Variants in FOXN3 observed in about 807,000 individuals in gnomAD.
The protein encoded by FOXN3 is forkhead box protein N3.
Under a neutral mutation model 38.4 loss-of-function variants are expected in FOXN3, and 7 were observed. The ratio of observed to expected loss-of-function variants is 0.18; its 90% CI spans 0.10 to 0.34. The LOEUF is 0.34. Ranked by LOEUF, FOXN3 falls within the 10% of genes least tolerant of loss-of-function variation. The pLI is 1.00. For missense variants in FOXN3, 456 were observed against 613.4 expected, an observed-to-expected ratio of 0.74 and a Z score of 2.71; for synonymous variants, 230 against 242.2, an observed-to-expected ratio of 0.95 and a Z score of 0.47.
chr14:89,455,893 C>T (rs1255424699), intron 1 of FOXN3, among the ~76,000 whole-genome samples: 1 of 152,104 alleles, frequency 6.6e-6, no homozygotes, highest in Non-Finnish European at 1.5e-5. Flanking sequence ...CAGTTATATG[C>T]CAGATTAAAA....
At chr14:89,568,147 C>A (rs1207408396) in intron 1 of FOXN3, among the ~76,000 whole-genome samples, 1 of 152,096 alleles carries the variant, frequency 6.6e-6, no homozygotes. Flanking sequence ...TAAATGTCAG[C>A]ATCTGAGGAC....
chr14:89,365,103 G>A (rs953415946), intron 2 of FOXN3, among the ~76,000 whole-genome samples: 6 of 152,116 alleles, frequency 3.9e-5, no homozygotes, highest in Admixed American at 6.5e-5. Context: ...GAATTTCCCC[G>A]AGCTTCCGCT....
intron 4 of FOXN3, among the ~76,000 whole-genome samples, chr14:89,199,786 C>T (rs951350852): frequency 1.3e-5 from 2 of 151,968 alleles, no homozygotes; most frequent in Non-Finnish European, 2.9e-5. Context: ...TGCCTGTAGT[C>T]CCAGCTACTT....
intron 2 of FOXN3, among the ~76,000 whole-genome samples, chr14:89,365,105 GCTTCCGC>G (rs2140048959): frequency 6.6e-6 from 1 of 152,270 alleles, no homozygotes; most frequent in Non-Finnish European, 1.5e-5. Context: ...ATTTCCCCGA[GCTTCCGC>G]TTTGCAGGAA....
intron 1 of FOXN3, among the ~76,000 whole-genome samples, chr14:89,545,353 C>T (rs1894864250): frequency 6.6e-6 from 1 of 152,224 alleles, no homozygotes; most frequent in Non-Finnish European, 1.5e-5. Flanking sequence ...AGGGTAAATG[C>T]AACCAAAACA....
At chr14:89,393,274 T>C (rs766524192) in intron 2 of FOXN3, among the ~76,000 whole-genome samples, 1 of 152,166 alleles carries the variant, frequency 6.6e-6, no homozygotes, top group Non-Finnish European at 1.5e-5. Flanking sequence ...GCCAGTTACA[T>C]TGGATTACAA....
intron 5 of FOXN3, among the ~76,000 whole-genome samples, chr14:89,173,776 C>T (rs540437565): frequency 2.6e-4 from 39 of 152,178 alleles, no homozygotes; most frequent in African/African-American, 3.9e-4. Flanking sequence ...GGATTGTTTG[C>T]GCCCAGGAGT....
intron 2 of FOXN3, among the ~76,000 whole-genome samples, chr14:89,378,706 C>CTTTTTTTT (rs35772860): frequency 7.3e-6 from 1 of 136,946 alleles, no homozygotes; most frequent in Non-Finnish European, 1.6e-5. Context: ...TCTTTTTGCA[C>CTTTTTTTT]TTTTTTTTTT....
intron 3 of FOXN3, among the ~76,000 whole-genome samples, chr14:89,308,209 AGCAGAGACTGTACCACT>A (rs1182576501): frequency 6.6e-6 from 1 of 152,228 alleles, no homozygotes; most frequent in African/African-American, 2.4e-5. Context: ...GGCTTCAGTG[AGCAGAGACTGTACCACT>A]GCACTCCACC....
At chr14:89,324,443 CGTGTGTGTGTGTGTGTGTGTGTGT>C (rs71130053) in intron 3 of FOXN3, among the ~76,000 whole-genome samples, 2 of 143,384 alleles carry the variant, frequency 1.4e-5, no homozygotes, top group Admixed American at 7.0e-5. Context: ...TAAGTGTGTG[CGTGTGTGTGTGTGTGTGTGTGTGT>C]GTGTGTGTGT....
chr14:89,464,035 C>T (rs939282274), intron 1 of FOXN3, among the ~76,000 whole-genome samples: 27 of 150,956 alleles, frequency 1.8e-4, no homozygotes, highest in Admixed American at 1.4e-3. Flanking sequence ...CCACATGCCT[C>T]GACCCCCCAA....
chr14:89,299,243 G>A (rs183654568), intron 3 of FOXN3, among the ~76,000 whole-genome samples: 10 of 152,268 alleles, frequency 6.6e-5, no homozygotes, highest in Middle Eastern at 3.4e-3. Flanking sequence ...TCATGGGGGC[G>A]GTTTCCCCCA....
At chr14:89,209,340 G>A (rs974390160) in intron 4 of FOXN3, among the ~76,000 whole-genome samples, 1 of 152,098 alleles carries the variant, frequency 6.6e-6, no homozygotes, top group African/African-American at 2.4e-5. Flanking sequence ...CCTGACGAAT[G>A]GCCAATATTT....
chr14:89,545,096 G>T (rs1894859979), intron 1 of FOXN3, among the ~76,000 whole-genome samples: 2 of 152,288 alleles, frequency 1.3e-5, no homozygotes, highest in South Asian at 4.1e-4. Context: ...TTTTTCCCAG[G>T]GTTCTGGAAT....
chr14:89,177,433 A>T (rs1168241262), intron 5 of FOXN3, among the ~76,000 whole-genome samples: 1 of 152,130 alleles, frequency 6.6e-6, no homozygotes, highest in Non-Finnish European at 1.5e-5. Flanking sequence ...TCACTCCTTA[A>T]TTAGACTATA....
chr14:89,609,255 G>T (rs942757680), intron 1 of FOXN3, among the ~76,000 whole-genome samples: 1 of 152,162 alleles, frequency 6.6e-6, no homozygotes, highest in Non-Finnish European at 1.5e-5. Context: ...AAGCTGGAGT[G>T]TAGTGGCGCA....
chr14:89,509,320 T>C (rs1183462223), intron 1 of FOXN3, among the ~76,000 whole-genome samples: 2 of 102,850 alleles, frequency 1.9e-5, no homozygotes, highest in Admixed American at 2.4e-4. Flanking sequence ...ATATACAGTT[T>C]TTTTTGTTGT....
chr14:89,493,247 TA>T (rs1353400269), intron 1 of FOXN3, among the ~76,000 whole-genome samples: 2 of 152,278 alleles, frequency 1.3e-5, no homozygotes, highest in South Asian at 2.1e-4. Context: ...TGGGCATAAA[TA>T]AAAAAATTTT....
rs185164287 is a variant in FOXN3, at chr14:89,365,535, G to A, written c.544-14727C>T. On this transcript the variant is annotated intron_variant, in intron 2 of 5. Transcript: ENST00000557258. ...TTTAAAATCACTATCTAGCTAAATC[G>A]GTTTTATCCAACTAAATCTTAGGAT... Among the ~76,000 whole-genome samples the A allele has an allele frequency of 6.0e-4, 92 of 152,224 alleles. 1 individual carries two copies. The highest frequency in any genetic ancestry group is 2.0e-3 in the African/African-American group (81 of 41,534).
Sources: gnomAD v4.1 joint callset for allele counts (sites outside exome capture counted in the v4.1 genomes callset) on GRCh38, gnomAD v4.1.1 for gene constraint, MANE v1.5 for transcripts, NCBI Gene and HGNC (gene_info 2026-07-23, HGNC 2026-07-21) for gene names.